BCAR3: variants seen among roughly 807,000 people sequenced by gnomAD.
BCAR3 encodes BCAR3 adaptor protein, NSP family member, also known as breast cancer anti-estrogen resistance protein 3.
In BCAR3, 37 loss-of-function variants were observed where a neutral mutation model predicts 80.1. The ratio of observed to expected loss-of-function variants is 0.46; its 90% confidence interval spans 0.36 to 0.61. BCAR3 has a LOEUF of 0.61. Ranked by LOEUF, BCAR3 falls within the 20% of genes least tolerant of loss-of-function variation. The pLI is 0.00. For missense variants in BCAR3, 978 were observed against 1,068.2 expected (o/e 0.92, Z 1.18); for synonymous variants, 389 against 418.9 (o/e 0.93, Z 0.87).
chr1:93,649,155 C>T (rs1490477930), intron 2 of BCAR3, among the ~76,000 whole-genome samples: 9 of 152,210 alleles, frequency 5.9e-5, no homozygotes, highest in Admixed American at 5.9e-4. Context: ...ACAGATTGCT[C>T]AGCAACTCCT....
intron 3 of BCAR3, among the ~76,000 whole-genome samples, chr1:93,690,102 GA>G (rs1206000539): frequency 6.6e-6 from 1 of 152,182 alleles, no homozygotes; most frequent in Non-Finnish European, 1.5e-5. Context: ...CATAGGTACC[GA>G]TAGGCAGCTG....
At chr1:93,714,920 A>G (rs944398861) in intron 2 of BCAR3, among the ~76,000 whole-genome samples, 1 of 152,200 alleles carries the variant, frequency 6.6e-6, no homozygotes, top group African/African-American at 2.4e-5. Flanking sequence ...TCTCAGGAAA[A>G]GCATTTTTTT....
chr1:93,609,924 C>T (rs1025427855), intron 3 of BCAR3, among the ~76,000 whole-genome samples: 1 of 152,248 alleles, frequency 6.6e-6, no homozygotes, highest in Admixed American at 6.5e-5. Flanking sequence ...CACTCCTGCC[C>T]CATCTATGCC....
chr1:93,624,035 A>G (rs1675387923), intron 3 of BCAR3, among the ~76,000 whole-genome samples: 2 of 152,126 alleles, frequency 1.3e-5, no homozygotes, highest in African/African-American at 2.4e-5. Context: ...CAATACACGA[A>G]TTTGCCTCTA....
chr1:93,751,271 C>T (rs1387087603), intron 2 of BCAR3, among the ~76,000 whole-genome samples: 1 of 152,210 alleles, frequency 6.6e-6, no homozygotes, highest in East Asian at 1.9e-4. Context: ...CAGCTGACTC[C>T]TCCCATGCAG....
intron 2 of BCAR3, among the ~76,000 whole-genome samples, chr1:93,751,972 A>G (rs1651571551): frequency 6.6e-6 from 1 of 152,242 alleles, no homozygotes. Context: ...CTTTAGGAAC[A>G]CAGCTGAGAA....
intron 6 of BCAR3, 133 bp downstream of exon 6, chr1:93,583,885 C>T (rs937839084): frequency 2.4e-6 from 2 of 829,790 alleles, no homozygotes; most frequent in Non-Finnish European, 3.8e-6. Context: ...ATTCTGCAAA[C>T]CCATTCCCCT....
chr1:93,804,183 T>C (rs1442304624), intron 2 of BCAR3, among the ~76,000 whole-genome samples: 1 of 152,192 alleles, frequency 6.6e-6, no homozygotes, highest in East Asian at 1.9e-4. Flanking sequence ...TTTTTAATTT[T>C]GGCAAACTCC....
Position 93,672,545 on chromosome 1 carries a change from A to C in BCAR3, c.317+2069T>G, listed in dbSNP as rs550193382. 2.0e-5 allele frequency among the ~76,000 whole-genome samples: 3 copies of C among 152,328 alleles called. No individual in the cohort carries two copies. In the East Asian group the frequency reaches 5.8e-4, roughly 29 times the overall value. On this transcript the variant is annotated intron_variant, in intron 2 of 11. Coordinates refer to ENST00000260502, the MANE Select transcript of BCAR3 (RefSeq NM_003567.4). ...CAGCCTGGCATCTGTGCTCATCTTTAGCAGGCCAGAAGTTACCTGTCTTTG... is the reference window on the plus strand; with the variant it reads ...CAGCCTGGCATCTGTGCTCATCTTTCGCAGGCCAGAAGTTACCTGTCTTTG...
chr1:93,587,316 G>C lies in BCAR3; in HGVS notation c.929+1661C>G, dbSNP rs549295220. ...GCTGGGATTACAGCTGTGAGCCACT[G>C]TGCTGGGTCTGAGTCTGACATTCTA... On this transcript the variant is annotated intron_variant, in intron 5 of 11. Transcript: ENST00000260502. Among the ~76,000 whole-genome samples, 3 of 152,286 alleles carry C rather than the reference G, an allele frequency of 2.0e-5. No individual in the cohort carries two copies. The East Asian group carries it at 5.8e-4, about 29-fold the overall frequency.
At chr1:93,686,861 T>C (rs1648988909) in intron 3 of BCAR3, among the ~76,000 whole-genome samples, 1 of 152,186 alleles carries the variant, frequency 6.6e-6, no homozygotes, top group Non-Finnish European at 1.5e-5. Flanking sequence ...AAGAGGGTAG[T>C]ATCCCTATTT....
At chr1:93,750,305 G>A (rs1371476534) in intron 2 of BCAR3, among the ~76,000 whole-genome samples, 3 of 152,188 alleles carry the variant, frequency 2.0e-5, no homozygotes, top group Non-Finnish European at 4.4e-5. Context: ...GTAGCTCAGG[G>A]GAATGAAGTG....
At chr1:93,688,400 C>T (rs1319773287) in intron 3 of BCAR3, among the ~76,000 whole-genome samples, 1 of 152,032 alleles carries the variant, frequency 6.6e-6, no homozygotes, top group African/African-American at 2.4e-5. Flanking sequence ...TTTACATCCT[C>T]AGTCTAATTA....
intron 2 of BCAR3, among the ~76,000 whole-genome samples, chr1:93,653,523 G>T (rs1390358514): frequency 1.3e-5 from 2 of 152,182 alleles, no homozygotes; most frequent in African/African-American, 4.8e-5. Flanking sequence ...ATCTCCCATA[G>T]TTCTTGTATT....
chr1:93,562,644 G>A (rs187574242), intron 11 of BCAR3, among the ~76,000 whole-genome samples: 2 of 151,842 alleles, frequency 1.3e-5, no homozygotes, highest in African/African-American at 2.4e-5. Context: ...GGTGGCGAGC[G>A]CCTGTAGTCC....
At chr1:93,812,165 G>A (rs554699878) in intron 2 of BCAR3, among the ~76,000 whole-genome samples, 2 of 152,190 alleles carry the variant, frequency 1.3e-5, no homozygotes, top group South Asian at 4.2e-4. Context: ...GTAACTCAAG[G>A]CCAAAAGTCT....
intron 2 of BCAR3, among the ~76,000 whole-genome samples, chr1:93,837,321 A>C (rs12137698): frequency 0.097 from 14,807 of 152,226 alleles, 903 homozygotes; most frequent in East Asian, 0.18. Flanking sequence ...ATATAGAATA[A>C]AGCTCCAGTT....
chr1:93,613,735 GTT>G, intron 3 of BCAR3: 1 of 1,330,878 alleles, frequency 7.5e-7, no homozygotes, highest in Middle Eastern at 1.8e-4. Context: ...AAGCACCTCT[GTT>G]TTCACAATCA....
chr1:93,845,430 G>C (rs1290848512), intron 2 of BCAR3: 1 of 142,748 alleles, frequency 7.0e-6, no homozygotes, highest in Non-Finnish European at 1.5e-5. Context: ...GCAATGTGAA[G>C]ACATTTAATT....
Sources: gnomAD v4.1 joint callset for allele counts (sites outside exome capture counted in the v4.1 genomes callset) on GRCh38, gnomAD v4.1.1 for gene constraint, MANE v1.5 for transcripts, NCBI Gene and HGNC (gene_info 2026-07-23, HGNC 2026-07-21) for gene names.